CSMD1: variants seen among roughly 807,000 people sequenced by gnomAD.
The protein encoded by CSMD1 is CUB and Sushi multiple domains 1, also known as CUB and sushi domain-containing protein 1.
Under a neutral mutation model 417.5 loss-of-function variants are expected in CSMD1, and 213 were observed. The observed-to-expected ratio is 0.51, with a 90% CI of 0.46 to 0.57. The LOEUF (loss-of-function observed/expected upper bound fraction) is 0.57. Among genes scored for constraint, CSMD1 ranks in the 20% least tolerant of loss-of-function variants. The pLI is 0.00. For missense variants in CSMD1, 6,923 were observed against 4,529.7 expected (o/e 1.53, Z -15.17); for synonymous variants, 2,862 against 1,736.8 (o/e 1.65, Z -16.11).
At chr8:4,184,971 C>G (rs1196314516) in intron 3 of CSMD1, among the ~76,000 whole-genome samples, 2 of 151,764 alleles carry the variant, frequency 1.3e-5, no homozygotes, top group East Asian at 3.9e-4. Context: ...AACCCCATCT[C>G]TATTAAAAAA....
At chr8:3,794,996 G>GTATAGCTACAGATATATATCTATCATA (rs1563086768) in intron 5 of CSMD1, among the ~76,000 whole-genome samples, 58 of 127,374 alleles carry the variant, frequency 4.6e-4, no homozygotes, top group African/African-American at 1.6e-3. Context: ...TATCTATCAT[G>GTATAGCTACAGATATATATCTATCATA]TATAGCTATA....
chr8:3,982,629 G>T (rs967860484), intron 5 of CSMD1, among the ~76,000 whole-genome samples: 2 of 149,326 alleles, frequency 1.3e-5, no homozygotes, highest in Non-Finnish European at 3.0e-5. Context: ...AAAAAAAAAA[G>T]CCATTAAATT....
At chr8:3,530,948 G>A (rs1335304149) in intron 10 of CSMD1, among the ~76,000 whole-genome samples, 1 of 151,642 alleles carries the variant, frequency 6.6e-6, no homozygotes. Context: ...CACCTCCCAG[G>A]TTCAAGCGAT....
intron 5 of CSMD1, among the ~76,000 whole-genome samples, chr8:3,901,134 G>A (rs1304670679): frequency 6.6e-6 from 1 of 152,186 alleles, no homozygotes; most frequent in Non-Finnish European, 1.5e-5. Flanking sequence ...GGTCATGAAT[G>A]TACTGATAAC....
At chr8:4,326,341 G>C (rs1489973219) in intron 3 of CSMD1, among the ~76,000 whole-genome samples, 2 of 152,198 alleles carry the variant, frequency 1.3e-5, no homozygotes, top group East Asian at 3.9e-4. Flanking sequence ...TGCGATTTCA[G>C]ACATGGGGCA....
chr8:3,489,741 T>C (rs1013036702), intron 11 of CSMD1, among the ~76,000 whole-genome samples: 1 of 152,198 alleles, frequency 6.6e-6, no homozygotes, highest in Non-Finnish European at 1.5e-5. Flanking sequence ...TAAGAATTTT[T>C]AAAACCGTAT....
chr8:3,064,950 A>C (rs948506265), intron 49 of CSMD1, among the ~76,000 whole-genome samples: 1 of 152,130 alleles, frequency 6.6e-6, no homozygotes, highest in Non-Finnish European at 1.5e-5. Flanking sequence ...TTAGAGAACA[A>C]AACTTTGAAA....
At chr8:4,490,554 G>T (rs879414697) in intron 2 of CSMD1, among the ~76,000 whole-genome samples, 2 of 152,086 alleles carry the variant, frequency 1.3e-5, no homozygotes, top group African/African-American at 2.4e-5. Flanking sequence ...AGATGCTAAG[G>T]ATATGAGATG....
intron 4 of CSMD1, among the ~76,000 whole-genome samples, chr8:4,019,152 G>A (rs529874649): frequency 1.3e-4 from 20 of 152,200 alleles, no homozygotes; most frequent in Non-Finnish European, 2.4e-4. Context: ...AAAGAAAAAG[G>A]AAAGAAACAC....
Position 4,424,704 on chromosome 8 carries a change from C to G in CSMD1, c.303-4639G>C, listed in dbSNP as rs188781965. ...AACACGTAACTGCCATCTGACCAAA[C>G]AATTGTTCTTCTCTGCATTTGCCCT... On this transcript the variant is annotated intron_variant, in intron 2 of 69. Coordinates refer to ENST00000635120, the MANE Select transcript of CSMD1 (RefSeq NM_033225.6). Among the ~76,000 whole-genome samples the G allele has an allele frequency of 3.6e-3, 545 of 152,140 alleles. 11 individuals carry two copies. In the Middle Eastern group the frequency reaches 0.044, roughly 12 times the overall value.
At chr8:4,707,379 A>G (rs559475337) in intron 1 of CSMD1, among the ~76,000 whole-genome samples, 2 of 152,280 alleles carry the variant, frequency 1.3e-5, no homozygotes, top group African/African-American at 4.8e-5. Flanking sequence ...GATTTCCAAA[A>G]GCATGTTTTT....
rs1432586167 is a variant in CSMD1 at position 4,742,434 on chromosome 8, T to A, written c.86-104876A>T. On this transcript the variant is annotated intron_variant, in intron 1 of 69. Coordinates refer to ENST00000635120, the MANE Select transcript of CSMD1 (RefSeq NM_033225.6). ...TGTCCTACTCTGGTCATTTTTCTTA[T>A]GACTAAGATTAGAGGTATTTGGTGT... is the stretch of plus-strand genomic sequence containing the variant. Among the ~76,000 whole-genome samples the A allele has an allele frequency of 2.0e-5, 3 of 152,170 alleles. No individual in the cohort carries two copies. In the East Asian group the frequency reaches 5.8e-4, roughly 29 times the overall value.
At chr8:4,621,041 T>C (rs1351291158) in intron 2 of CSMD1, among the ~76,000 whole-genome samples, 3 of 152,210 alleles carry the variant, frequency 2.0e-5, no homozygotes, top group Non-Finnish European at 4.4e-5. Context: ...AAATCCATTT[T>C]TATCATATAT....
intron 3 of CSMD1, among the ~76,000 whole-genome samples, chr8:4,051,308 C>CAAAAAAAAAAAAAAAAAAAAAAAA (rs5889012): frequency 2.6e-4 from 36 of 140,510 alleles, no homozygotes; most frequent in African/African-American, 9.3e-4. Context: ...TTTGAAGACT[C>CAAAAAAAAAAAAAAAAAAAAAAAA]AAAAAAAAAA....
intron 1 of CSMD1, among the ~76,000 whole-genome samples, chr8:4,650,802 T>C (rs1268864049): frequency 6.6e-6 from 1 of 152,208 alleles, no homozygotes; most frequent in African/African-American, 2.4e-5. Flanking sequence ...TTCTTCTTTA[T>C]TTTACCCAAG....
intron 3 of CSMD1, among the ~76,000 whole-genome samples, chr8:4,041,027 T>TTCC (rs1797861569): frequency 7.1e-6 from 1 of 141,066 alleles, no homozygotes; most frequent in Non-Finnish European, 1.5e-5. Flanking sequence ...CTTTTTTTTT[T>TTCC]TTTTTTTGAG....
intron 3 of CSMD1, among the ~76,000 whole-genome samples, chr8:4,185,740 A>G (rs1010495205): frequency 3.9e-5 from 6 of 152,204 alleles, no homozygotes; most frequent in African/African-American, 7.2e-5. Flanking sequence ...ATGCCTTTGA[A>G]GAGCTATCAT....
intron 5 of CSMD1, among the ~76,000 whole-genome samples, chr8:3,809,159 C>G (rs2720885): frequency 6.6e-6 from 1 of 152,112 alleles, no homozygotes; most frequent in Non-Finnish European, 1.5e-5. Context: ...TTCCAGCCCC[C>G]ACAGACCTCA....
intron 5 of CSMD1, among the ~76,000 whole-genome samples, chr8:3,903,070 C>G (rs1807865310): frequency 6.6e-6 from 1 of 152,114 alleles, no homozygotes; most frequent in South Asian, 2.1e-4. Context: ...GGATAACTGC[C>G]TGCTGTCTGT....
Sources: gnomAD v4.1 joint callset for allele counts (sites outside exome capture counted in the v4.1 genomes callset) on GRCh38, gnomAD v4.1.1 for gene constraint, MANE v1.5 for transcripts, NCBI Gene and HGNC (gene_info 2026-07-23, HGNC 2026-07-21) for gene names.